The following PFKM variants were observed in gnomAD, a reference collection of about 807,000 sequenced individuals.
The protein encoded by PFKM is ATP-dependent 6-phosphofructokinase, muscle type.
In PFKM, 58 loss-of-function variants were observed where a neutral mutation model predicts 95.5. The ratio of observed to expected loss-of-function variants is 0.61; its 90% CI spans 0.49 to 0.76. The LOEUF (loss-of-function observed/expected upper bound fraction) is 0.76, where lower values mean the gene tolerates loss of function less well. Among genes scored for constraint, PFKM ranks in the 30% least tolerant of loss-of-function variants. The probability of loss-of-function intolerance (pLI) is 0.00; values close to 1 mark genes in which losing one functional copy is unlikely to be tolerated. For synonymous variants in PFKM, 336 were observed against 357.2 expected (o/e 0.94, Z 0.67); for missense variants, 678 against 1,005.4 (o/e 0.67, Z 4.40).
chr12:48,135,485 G>GT, intron 10 of PFKM, 102 bp downstream of exon 10: 1 of 796,552 alleles, frequency 1.3e-6, no homozygotes, highest in East Asian at 2.6e-5. Flanking sequence ...TACATCACTG[G>GT]TCGCATTGCC....
At position 48,133,454 on chromosome 12, in the gene PFKM, A is replaced by G; in HGVS notation, c.567A>G (p.Val189=). ...CCCTGCATCGGATCATGGAAATTGT[A>G]GATGCCATCACTACCACTGCCCAGA... The part of the protein sequence containing the change: ...DSALHRIMEI[V]DAITTTAQSH... The change falls in exon 6 of 23, where the codon GTA becomes GTG. Residue 189 remains valine, a synonymous_variant. Transcript: ENST00000359794. 1.9e-6 allele frequency: 3 copies of G among 1,614,172 alleles called. No individual in the cohort carries two copies. The highest frequency in any genetic ancestry group is 1.7e-6 in the Non-Finnish European group (2 of 1,180,002).
chr12:48,131,196 G>T, intron 3 of PFKM, 120 bp from the exon 4 acceptor site: 1 of 757,708 alleles, frequency 1.3e-6, no homozygotes, highest in East Asian at 2.5e-5. Context: ...GAGCATCCAG[G>T]ACTCACTAAT....
chr12:48,142,220 C>G, intron 17 of PFKM, 154 bp downstream of exon 17: 3 of 832,782 alleles, frequency 3.6e-6, no homozygotes, highest in Non-Finnish European at 5.9e-6. Flanking sequence ...CACTTCTAAT[C>G]CCAGCACTTT....
upstream of PFKM, among the ~76,000 whole-genome samples, chr12:48,116,263 A>C (rs1430561491): frequency 2.8e-3 from 232 of 81,664 alleles, no homozygotes; most frequent in African/African-American, 4.5e-3. Context: ...CTCTCTCTCC[A>C]CCCCTCCCTA....
At chr12:48,120,759 A>G (rs1212541373) in intron 1 of PFKM, among the ~76,000 whole-genome samples, 1 of 152,244 alleles carries the variant, frequency 6.6e-6, no homozygotes, top group Non-Finnish European at 1.5e-5. Context: ...ACTGCCATAC[A>G]AAAATGTGAG....
upstream of PFKM, among the ~76,000 whole-genome samples, chr12:48,116,150 C>A: frequency 6.9e-6 from 1 of 145,288 alleles, no homozygotes; most frequent in Non-Finnish European, 1.5e-5. Context: ...TCCTCTCTCT[C>A]TCCCTCACTC....
chr12:48,136,840 G>A (rs1053048293), intron 10 of PFKM, among the ~76,000 whole-genome samples: 1 of 150,758 alleles, frequency 6.6e-6, no homozygotes, highest in Non-Finnish European at 1.5e-5. Flanking sequence ...TGCAACCTCT[G>A]CCCCCTGGGT....
upstream of PFKM, among the ~76,000 whole-genome samples, chr12:48,116,056 C>A (rs1301570567): frequency 6.6e-6 from 1 of 152,126 alleles, no homozygotes; most frequent in African/African-American, 2.4e-5. Context: ...ACCAGCAATG[C>A]AGAAGGGTTC....
chr12:48,117,241 A>G (rs1947756425), upstream of PFKM, among the ~76,000 whole-genome samples: 1 of 152,224 alleles, frequency 6.6e-6, no homozygotes, highest in Non-Finnish European at 1.5e-5. Context: ...CTTTTGAGGG[A>G]CATCTTGGTT....
chr12:48,115,278 A>G (rs1414510055), upstream of PFKM, among the ~76,000 whole-genome samples: 2 of 152,204 alleles, frequency 1.3e-5, no homozygotes, highest in East Asian at 3.8e-4. Flanking sequence ...AGAGATCACC[A>G]AACAGGCTTT....
In PFKM at chr12:48,142,520, T is replaced by G. The variant is rs184694517; in HGVS notation, c.1654-262T>G. The G allele has an allele frequency of 0.01, 5,201 of 517,482 alleles. 51 individuals are homozygous for G. The highest frequency in any genetic ancestry group is 0.018 in the South Asian group (874 of 47,912). 32.1% of individuals were successfully genotyped at this position (517,482 alleles called of 1,614,324 possible). On this transcript the variant is annotated intron_variant, in intron 17 of 22. Transcript: ENST00000359794. ...TGAATACCAAATGTTTTGTTTGTTTTTTTTTTTCTTTCTGAGATCATGCAG... is the reference window on the plus strand; with the variant it reads ...TGAATACCAAATGTTTTGTTTGTTTGTTTTTTTCTTTCTGAGATCATGCAG...
At chr12:48,129,431 T>G (rs1845038426) in intron 2 of PFKM, among the ~76,000 whole-genome samples, 1 of 151,956 alleles carries the variant, frequency 6.6e-6, no homozygotes, top group Admixed American at 6.6e-5. Context: ...GAGTTCCCCA[T>G]AAACATCTTA....
At chr12:48,106,505 C>G (rs1946628601) in intron 1 of PFKM, 1 of 265,730 alleles carries the variant, frequency 3.8e-6, no homozygotes, top group Admixed American at 5.1e-5. Flanking sequence ...CGATCTCAGG[C>G]TATCTCGTGT....
At chr12:48,106,632 G>C (rs1046968733) in intron 1 of PFKM, 1 of 164,450 alleles carries the variant, frequency 6.1e-6, no homozygotes, top group African/African-American at 2.4e-5. Flanking sequence ...GGCCCATCTA[G>C]GACTAGGAAA....
rs897952448 is a variant in PFKM at position 48,120,860 on chromosome 12, A to G, written c.-9+1454A>G. 5.3e-5 allele frequency among the ~76,000 whole-genome samples: 8 copies of G among 152,330 alleles called. No individual in the cohort carries two copies. In the South Asian group the frequency reaches 6.2e-4, roughly 12 times the overall value. On this transcript the variant is annotated intron_variant, in intron 1 of 22. Transcript: ENST00000359794. Reference sequence around the variant, plus strand: ...GTGCGTACGAAACTATTAAAATGCCACATAAAGCAGGCCGAGCATGGTGGT... The same window carrying G: ...GTGCGTACGAAACTATTAAAATGCCGCATAAAGCAGGCCGAGCATGGTGGT...
intron 17 of PFKM, 55 bp downstream of exon 17, chr12:48,142,121 C>T: frequency 1.3e-6 from 2 of 1,525,932 alleles, no homozygotes; most frequent in Non-Finnish European, 1.8e-6. Flanking sequence ...AATCCTTAAA[C>T]TGAGTGTGGT....
At chr12:48,107,509 G>A in intron 2 of PFKM, 2 of 1,189,930 alleles carry the variant, frequency 1.7e-6, no homozygotes, top group Non-Finnish European at 2.5e-6. Context: ...TCTCTCACAA[G>A]AAGTCTAAAT....
At chr12:48,120,314 G>A (rs965529329) in intron 1 of PFKM, among the ~76,000 whole-genome samples, 1 of 152,122 alleles carries the variant, frequency 6.6e-6, no homozygotes, top group Non-Finnish European at 1.5e-5. Flanking sequence ...TATCTAAGCC[G>A]ATTTTACATT....
At chr12:48,129,769 A>G (rs1186354818) in intron 2 of PFKM, among the ~76,000 whole-genome samples, 5 of 152,226 alleles carry the variant, frequency 3.3e-5, no homozygotes, top group South Asian at 2.1e-4. Flanking sequence ...TGAAATGCCA[A>G]CTAAAAGCTG....
Sources: gnomAD v4.1 joint callset for allele counts (sites outside exome capture counted in the v4.1 genomes callset) on GRCh38, gnomAD v4.1.1 for gene constraint, MANE v1.5 for transcripts, NCBI Gene and HGNC (gene_info 2026-07-23, HGNC 2026-07-21) for gene names.